The following ATAD1 variants were observed in gnomAD, a reference collection of about 807,000 sequenced individuals.
The protein encoded by ATAD1 is ATPase family AAA domain containing 1.
A neutral mutation model predicts 42.7 loss-of-function variants in ATAD1; 18 were observed. That is an observed-to-expected ratio of 0.42 (90% CI 0.29 to 0.63). ATAD1 has a LOEUF of 0.63. Ranked by LOEUF, ATAD1 falls within the 20% of genes least tolerant of loss-of-function variation. ATAD1 has a pLI of 0.19. For missense variants in ATAD1, 294 were observed against 440.4 expected (o/e 0.67, Z 2.98); for synonymous variants, 132 against 143.1 (o/e 0.92, Z 0.55).
chr10:87,756,983 C>A, intron 8 of ATAD1, 61 bp from the exon 9 acceptor site: 1 of 1,328,564 alleles, frequency 7.5e-7, no homozygotes. Context: ...AATGATACTA[C>A]CAAACACCCA....
chr10:87,776,682 C>A (rs1243247903), intron 5 of ATAD1, among the ~76,000 whole-genome samples: 1 of 151,892 alleles, frequency 6.6e-6, no homozygotes. Context: ...GTTGTCAAGG[C>A]TGGTCTTGAA....
chr10:87,823,174 A>G (rs1564788128), upstream of ATAD1, among the ~76,000 whole-genome samples: 1 of 151,910 alleles, frequency 6.6e-6, no homozygotes, highest in Admixed American at 6.6e-5. Flanking sequence ...TTTAAACTTT[A>G]CACATAATTT....
At chr10:87,838,461 C>CAAAAAAAA (rs770282016) in intron 1 of ATAD1, among the ~76,000 whole-genome samples, 1 of 42,640 alleles carries the variant, frequency 2.3e-5, no homozygotes, top group African/African-American at 8.9e-5. Flanking sequence ...GACTCTATCT[C>CAAAAAAAA]AAAAAAAAAA....
At chr10:87,774,548 A>G (rs1855198432) in intron 6 of ATAD1, among the ~76,000 whole-genome samples, 1 of 152,210 alleles carries the variant, frequency 6.6e-6, no homozygotes, top group South Asian at 2.1e-4. Flanking sequence ...AATAAGCTCA[A>G]TGAAAGAGTC....
At chr10:87,774,600 G>T (rs1322493873) in intron 6 of ATAD1, among the ~76,000 whole-genome samples, 1 of 152,046 alleles carries the variant, frequency 6.6e-6, no homozygotes, top group Non-Finnish European at 1.5e-5. Context: ...GAAAGGAAAA[G>T]AAATTATCCA....
intron 7 of ATAD1, 120 bp downstream of exon 7, chr10:87,770,832 C>T: frequency 1.4e-6 from 1 of 716,972 alleles, no homozygotes; most frequent in Non-Finnish European, 2.2e-6. Context: ...GTTTCTGCCC[C>T]ATTCCTTCCC....
intron 1 of ATAD1, among the ~76,000 whole-genome samples, chr10:87,815,486 G>T (rs1857374074): frequency 1.3e-5 from 2 of 151,986 alleles, no homozygotes; most frequent in African/African-American, 4.8e-5. Flanking sequence ...CAGCACAGGA[G>T]TGTGCTGAAT....
At chr10:87,778,178 TA>T (rs377243162) in intron 5 of ATAD1, among the ~76,000 whole-genome samples, 1,439 of 88,730 alleles carry the variant, frequency 0.016, 15 homozygotes, top group African/African-American at 0.04. Context: ...TAGAATAAAT[TA>T]AAAAAAAAAA....
intron 6 of ATAD1, among the ~76,000 whole-genome samples, chr10:87,772,819 C>A (rs1226813288): frequency 6.6e-6 from 1 of 152,040 alleles, no homozygotes; most frequent in Non-Finnish European, 1.5e-5. Flanking sequence ...TTTTAAGCAG[C>A]AAAAGCAGAG....
chr10:87,840,782 A>G (rs569131762), intron 1 of ATAD1, among the ~76,000 whole-genome samples: 4 of 152,326 alleles, frequency 2.6e-5, no homozygotes, highest in South Asian at 2.1e-4. Flanking sequence ...TCCCATACCA[A>G]AGTGTAGAAA....
chr10:87,755,575 C>T (rs1019138181), intron 9 of ATAD1, among the ~76,000 whole-genome samples: 5 of 152,012 alleles, frequency 3.3e-5, no homozygotes, highest in East Asian at 1.9e-4. Flanking sequence ...GCAAAATTTA[C>T]GAACTGGTTG....
chr10:87,820,632 G>A (rs543016209), upstream of ATAD1, among the ~76,000 whole-genome samples: 25 of 152,256 alleles, frequency 1.6e-4, no homozygotes, highest in African/African-American at 4.8e-4. Flanking sequence ...ATAAAGTCAC[G>A]AGGCTGACCA....
intron 2 of ATAD1, among the ~76,000 whole-genome samples, chr10:87,813,352 CT>C (rs60561376): frequency 0.012 from 1,629 of 139,070 alleles, 10 homozygotes; most frequent in African/African-American, 0.029. Context: ...ACTAGTTTTT[CT>C]TTTTTTTTTT....
rs747781107 is a variant in ATAD1 at position 87,767,656 on chromosome 10, T to G, written c.831+17A>C. The G allele has an allele frequency of 1.2e-6, 2 of 1,602,536 alleles. No individual in the cohort carries two copies. Among genetic ancestry groups the G allele is most frequent in the East Asian group, 4.5e-5 (2 of 44,736 alleles). ...CAGATTTATAGGACGGGGAAAAAAT[T>G]TTTATTTTCTACTTACATTTTCATT... On this transcript the variant is annotated intron_variant, in intron 8 of 9. Transcript: ENST00000680024.
At chr10:87,780,450 A>C (rs1045889519) in intron 5 of ATAD1, among the ~76,000 whole-genome samples, 1 of 152,236 alleles carries the variant, frequency 6.6e-6, no homozygotes, top group African/African-American at 2.4e-5. Context: ...ATAACAATGT[A>C]TCAATACTGG....
At chr10:87,803,104 C>T (rs1856778753) in intron 2 of ATAD1, among the ~76,000 whole-genome samples, 1 of 152,120 alleles carries the variant, frequency 6.6e-6, no homozygotes, top group African/African-American at 2.4e-5. Flanking sequence ...GGTAATGTGG[C>T]CTATATAAAT....
intron 1 of ATAD1, 192 bp downstream of exon 1, chr10:87,817,975 G>A: frequency 1.0e-6 from 1 of 985,564 alleles, no homozygotes; most frequent in Non-Finnish European, 1.2e-6. Context: ...GGCGAGGCCC[G>A]GGACGCCCTT....
intron 2 of ATAD1, among the ~76,000 whole-genome samples, chr10:87,798,075 A>G (rs1193476483): frequency 6.6e-6 from 1 of 151,682 alleles, no homozygotes; most frequent in East Asian, 1.9e-4. Context: ...ATTTTTAAAA[A>G]GGCTTGTCCA....
intron 3 of ATAD1, among the ~76,000 whole-genome samples, chr10:87,791,686 T>C (rs1437101977): frequency 6.6e-6 from 1 of 152,240 alleles, no homozygotes; most frequent in Non-Finnish European, 1.5e-5. Context: ...TTCATTCTAC[T>C]TATTTATAGC....
Sources: gnomAD v4.1 joint callset for allele counts (sites outside exome capture counted in the v4.1 genomes callset) on GRCh38, gnomAD v4.1.1 for gene constraint, MANE v1.5 for transcripts, NCBI Gene and HGNC (gene_info 2026-07-23, HGNC 2026-07-21) for gene names.